The following LSAMP variants were observed in gnomAD, a reference collection of about 807,000 sequenced individuals.
The protein encoded by LSAMP is limbic system associated membrane protein.
Under a neutral mutation model 38.6 loss-of-function variants are expected in LSAMP, and 7 were observed. That is an observed-to-expected ratio of 0.18 (90% CI 0.10 to 0.34). The LOEUF (loss-of-function observed/expected upper bound fraction) is 0.34, where lower values mean the gene tolerates loss of function less well. LSAMP is among the 10% of genes least tolerant of loss of function. The pLI is 1.00. For synonymous variants in LSAMP, 154 were observed against 166.8 expected (o/e 0.92, Z 0.59); for missense variants, 313 against 420.0 (o/e 0.75, Z 2.23).
At chr3:116,311,816 A>T (rs866684203) in intron 1 of LSAMP, among the ~76,000 whole-genome samples, 2 of 152,248 alleles carry the variant, frequency 1.3e-5, no homozygotes, top group Admixed American at 6.5e-5. Flanking sequence ...TAGTATTAAC[A>T]GTACCAGCAG....
intron 1 of LSAMP, among the ~76,000 whole-genome samples, chr3:116,156,257 T>C (rs1018629987): frequency 2.6e-5 from 4 of 152,154 alleles, no homozygotes; most frequent in Non-Finnish European, 5.9e-5. Context: ...TCAGATCAGC[T>C]TGTACTACCT....
intron 1 of LSAMP, among the ~76,000 whole-genome samples, chr3:116,347,463 G>A (rs2048078964): frequency 6.6e-6 from 1 of 152,142 alleles, no homozygotes; most frequent in Non-Finnish European, 1.5e-5. Flanking sequence ...AGTAACTGTG[G>A]TTGAAGGATT....
intron 3 of LSAMP, among the ~76,000 whole-genome samples, chr3:115,905,158 C>G (rs1026210364): frequency 2.0e-5 from 3 of 152,052 alleles, no homozygotes; most frequent in Non-Finnish European, 4.4e-5. Flanking sequence ...AAATACACTC[C>G]AGGTTACAAT....
At chr3:116,284,925 G>A (rs960948047) in intron 1 of LSAMP, among the ~76,000 whole-genome samples, 3 of 152,118 alleles carry the variant, frequency 2.0e-5, no homozygotes, top group Admixed American at 6.6e-5. Flanking sequence ...ACACAATTAT[G>A]AAAAGAAAAT....
chr3:116,279,491 C>T (rs976821074), intron 1 of LSAMP, among the ~76,000 whole-genome samples: 4 of 152,128 alleles, frequency 2.6e-5, no homozygotes, highest in Non-Finnish European at 5.9e-5. Flanking sequence ...AGTAGGGAGC[C>T]TATTCTATCT....
chr3:116,075,444 T>C lies in LSAMP; in HGVS notation c.388+10880A>G, dbSNP rs568138323. On this transcript the variant is annotated intron_variant, in intron 2 of 6. Coordinates refer to ENST00000490035, the MANE Select transcript of LSAMP (RefSeq NM_002338.5). The stretch of plus-strand genomic sequence containing the variant: ...AGCCACAGCACCTGGCCTTTTTTCA[T>C]TTCTTAAAAATTGTCTTCATTAATC... Among the ~76,000 whole-genome samples the C allele has an allele frequency of 1.3e-4, 20 of 152,014 alleles. No individual in the cohort carries two copies. The South Asian group carries it at 4.2e-3, about 32-fold the overall frequency.
At chr3:116,069,355 C>A (rs1336996316) in intron 2 of LSAMP, among the ~76,000 whole-genome samples, 1 of 152,118 alleles carries the variant, frequency 6.6e-6, no homozygotes, top group Admixed American at 6.5e-5. Flanking sequence ...TATGCACATA[C>A]AAAGAAGTAA....
At chr3:116,295,672 C>T (rs2047321583) in intron 1 of LSAMP, among the ~76,000 whole-genome samples, 1 of 152,056 alleles carries the variant, frequency 6.6e-6, no homozygotes, top group Non-Finnish European at 1.5e-5. Flanking sequence ...TCAGAAGAGA[C>T]AGAGGAGATA....
chr3:116,215,075 G>A (rs2046203810), intron 1 of LSAMP, among the ~76,000 whole-genome samples: 1 of 152,108 alleles, frequency 6.6e-6, no homozygotes, highest in Non-Finnish European at 1.5e-5. Context: ...ACACTACACT[G>A]GATACATTGC....
At chr3:116,203,590 C>T (rs1279944730) in intron 1 of LSAMP, among the ~76,000 whole-genome samples, 2 of 144,182 alleles carry the variant, frequency 1.4e-5, no homozygotes, top group South Asian at 4.5e-4. Flanking sequence ...TGATATTCCC[C>T]TTCCTGTGTC....
At chr3:115,973,621 C>A (rs1181022038) in intron 3 of LSAMP, among the ~76,000 whole-genome samples, 2 of 151,930 alleles carry the variant, frequency 1.3e-5, no homozygotes, top group African/African-American at 2.4e-5. Flanking sequence ...GTAATCCCAG[C>A]GACTTGGGAG....
chr3:115,975,384 G>A (rs1939155667), intron 3 of LSAMP, among the ~76,000 whole-genome samples: 1 of 152,208 alleles, frequency 6.6e-6, no homozygotes, highest in African/African-American at 2.4e-5. Flanking sequence ...TTGGGGTAAA[G>A]TTTTAGCATT....
At chr3:115,928,398 G>A (rs1483230834) in intron 3 of LSAMP, among the ~76,000 whole-genome samples, 1 of 152,226 alleles carries the variant, frequency 6.6e-6, no homozygotes, top group Non-Finnish European at 1.5e-5. Flanking sequence ...AGTTCACAAT[G>A]TGGATATGAA....
chr3:116,057,980 C>G (rs1941522816), intron 2 of LSAMP, among the ~76,000 whole-genome samples: 2 of 150,370 alleles, frequency 1.3e-5, no homozygotes, highest in South Asian at 2.1e-4. Context: ...CACACACACA[C>G]AGAGTGAATG....
chr3:116,249,148 CAA>C (rs56255627), intron 1 of LSAMP, among the ~76,000 whole-genome samples: 3 of 126,258 alleles, frequency 2.4e-5, no homozygotes, highest in Admixed American at 7.8e-5. Context: ...GACTCTGTCT[CAA>C]AAAAAAAAAA....
intron 3 of LSAMP, among the ~76,000 whole-genome samples, chr3:115,881,365 A>C (rs986330945): frequency 6.6e-6 from 1 of 152,172 alleles, no homozygotes; most frequent in Non-Finnish European, 1.5e-5. Flanking sequence ...ATTTAGAAAA[A>C]GCAATCCATA....
intron 6 of LSAMP, among the ~76,000 whole-genome samples, chr3:115,822,524 C>T (rs546546243): frequency 1.3e-5 from 2 of 152,182 alleles, no homozygotes; most frequent in South Asian, 2.1e-4. Context: ...CCATGCTTAG[C>T]TAATTTTGTA....
chr3:115,848,923 G>A (rs1374796772), intron 4 of LSAMP, among the ~76,000 whole-genome samples: 1 of 152,164 alleles, frequency 6.6e-6, no homozygotes, highest in African/African-American at 2.4e-5. Flanking sequence ...TTAACAGTTT[G>A]TATTTGTTAA....
rs151053454 is a variant in LSAMP at position 116,093,333 on chromosome 3, A to G, written c.156-6777T>C. Among the ~76,000 whole-genome samples the G allele has an allele frequency of 8.9e-4, 135 of 152,352 alleles. 1 individual carries two copies. Among genetic ancestry groups the G allele is most frequent in the Admixed American group, 2.2e-3 (34 of 15,298 alleles). On this transcript the variant is annotated intron_variant, in intron 1 of 6. Coordinates refer to ENST00000490035, the MANE Select transcript of LSAMP (RefSeq NM_002338.5). ...GCCCCCAATCACAAAGATGTATCTTATCCAAAATGTTGACAGGATCGAGGT... is the reference window on the plus strand; with the variant it reads ...GCCCCCAATCACAAAGATGTATCTTGTCCAAAATGTTGACAGGATCGAGGT...
Sources: allele counts gnomAD v4.1 joint callset (sites outside exome capture counted in the v4.1 genomes callset), GRCh38; gene constraint gnomAD v4.1.1; transcripts MANE v1.5; gene names NCBI Gene and HGNC (gene_info 2026-07-23, HGNC 2026-07-21).